MYO5B: variants seen among roughly 807,000 people sequenced by gnomAD.
MYO5B encodes unconventional myosin-Vb.
In MYO5B, 143 loss-of-function variants were observed where a neutral mutation model predicts 229.3. That is an observed-to-expected ratio of 0.62 (90% CI 0.54 to 0.72). The LOEUF (loss-of-function observed/expected upper bound fraction) is 0.72. Among genes scored for constraint, MYO5B ranks in the 30% least tolerant of loss-of-function variants. The probability of loss-of-function intolerance (pLI) is 0.00; values close to 1 mark genes in which losing one functional copy is unlikely to be tolerated. For missense variants in MYO5B, 2,321 were observed against 2,331.0 expected (o/e 1.00, Z 0.09); for synonymous variants, 918 against 885.2 (o/e 1.04, Z -0.66).
chr18:50,173,880 T>C (rs2144337234), intron 1 of MYO5B, among the ~76,000 whole-genome samples: 1 of 152,288 alleles, frequency 6.6e-6, no homozygotes, highest in South Asian at 2.1e-4. Context: ...ATGGCAAATG[T>C]TGTGTGTCAA....
At chr18:50,077,407 C>T (rs947149056) in intron 1 of MYO5B, among the ~76,000 whole-genome samples, 3 of 151,802 alleles carry the variant, frequency 2.0e-5, no homozygotes, top group African/African-American at 7.3e-5. Context: ...TAGGCTGTAA[C>T]TCAGAGTGGC....
At chr18:49,962,911 C>T (rs965273760) in intron 11 of MYO5B, 38 bp downstream of exon 11, 1 of 1,569,232 alleles carries the variant, frequency 6.4e-7, no homozygotes, top group African/African-American at 1.3e-5. Context: ...AGGAGTCCCC[C>T]CAATCCTGGT....
intron 1 of MYO5B, among the ~76,000 whole-genome samples, chr18:50,060,716 C>G (rs1337846835): frequency 6.6e-6 from 1 of 152,196 alleles, no homozygotes; most frequent in Non-Finnish European, 1.5e-5. Context: ...CCAGCTCCAG[C>G]AGCTGTTCTC....
At chr18:50,173,379 T>A (rs1050179580) in intron 1 of MYO5B, among the ~76,000 whole-genome samples, 4 of 151,986 alleles carry the variant, frequency 2.6e-5, no homozygotes, top group Non-Finnish European at 5.9e-5. Flanking sequence ...ACAGGAGGCC[T>A]CATGGGCCTG....
In MYO5B at chr18:50,154,926, T is replaced by G. The variant is rs567045215; in HGVS notation, c.27+39841A>C. Among the ~76,000 whole-genome samples, 8 of 152,284 alleles carry G rather than the reference T, an allele frequency of 5.3e-5. No homozygotes were observed. In the East Asian group the frequency reaches 1.4e-3, roughly 26 times the overall value. On this transcript the variant is annotated intron_variant, in intron 1 of 39. Coordinates refer to ENST00000285039, the MANE Select transcript of MYO5B (RefSeq NM_001080467.3). ...CAGACTTAGGTTTACAAAGCAGCAC[T>G]CAAAAAAGTCTGTTTGCCTTCAAGG...
chr18:50,194,173 C>T (rs545451173), intron 1 of MYO5B, among the ~76,000 whole-genome samples: 1 of 152,358 alleles, frequency 6.6e-6, no homozygotes, highest in Non-Finnish European at 1.5e-5. Context: ...CCATTGCTTA[C>T]CCTCACTCCA....
intron 1 of MYO5B, among the ~76,000 whole-genome samples, chr18:50,081,033 C>G (rs1461359842): frequency 6.6e-6 from 1 of 152,146 alleles, no homozygotes; most frequent in Non-Finnish European, 1.5e-5. Flanking sequence ...CCGCTAGTAG[C>G]AAGCTAAACT....
At chr18:49,940,129 A>C (rs1299050007) in intron 14 of MYO5B, among the ~76,000 whole-genome samples, 2 of 152,238 alleles carry the variant, frequency 1.3e-5, no homozygotes, top group African/African-American at 2.4e-5. Flanking sequence ...GGAAAGAAAG[A>C]ATCATGTAAG....
chr18:50,163,027 CATGCAACTGTAGCTAATAACAAAAATG>C (rs1204337620), intron 1 of MYO5B, among the ~76,000 whole-genome samples: 4 of 152,156 alleles, frequency 2.6e-5, no homozygotes, highest in African/African-American at 9.7e-5. Flanking sequence ...TGTTTGTGTT[CATGCAACTGTAGCTAATAACAAAAATG>C]ACTTCGTGAA....
chr18:49,848,182 T>C (rs3097635), intron 32 of MYO5B, among the ~76,000 whole-genome samples: 1 of 152,310 alleles, frequency 6.6e-6, no homozygotes, highest in Non-Finnish European at 1.5e-5. Flanking sequence ...ATCTGTACAT[T>C]CACATGGAAA....
chr18:50,193,287 C>A (rs1278725453), intron 1 of MYO5B, among the ~76,000 whole-genome samples: 6 of 152,242 alleles, frequency 3.9e-5, no homozygotes, highest in African/African-American at 1.4e-4. Flanking sequence ...TCCCCTCCTC[C>A]CCCAGAGGCC....
intron 17 of MYO5B, among the ~76,000 whole-genome samples, chr18:49,915,150 T>A (rs1445755392): frequency 6.6e-6 from 1 of 152,100 alleles, no homozygotes; most frequent in East Asian, 1.9e-4. Flanking sequence ...TTTTTTTTCC[T>A]CTATGTAAAA....
intron 1 of MYO5B, among the ~76,000 whole-genome samples, chr18:50,081,042 C>T (rs2031208179): frequency 6.6e-6 from 1 of 152,284 alleles, no homozygotes; most frequent in South Asian, 2.1e-4. Context: ...GCAAGCTAAA[C>T]TTGGAATAAA....
At position 49,879,160 on chromosome 18, in the gene MYO5B, C is replaced by T. The variant is rs4939603; in HGVS notation, c.3131-70G>A. On this transcript the variant is annotated intron_variant, in intron 23 of 39. Coordinates refer to ENST00000285039, the MANE Select transcript of MYO5B (RefSeq NM_001080467.3). ...CTCACATGTATTGACTCATGTTTTCCGATTAATCTCTTGTTAAGAGGCTGC... is the reference window on the plus strand; with the variant it reads ...CTCACATGTATTGACTCATGTTTTCTGATTAATCTCTTGTTAAGAGGCTGC... The T allele has an allele frequency of 0.22, 351,540 of 1,597,762 alleles. 40,969 individuals carry two copies. Among genetic ancestry groups the T allele is most frequent in the East Asian group, 0.39 (17,274 of 44,684 alleles).
intron 27 of MYO5B, among the ~76,000 whole-genome samples, chr18:49,870,298 G>A (rs2024442833): frequency 6.6e-6 from 1 of 152,106 alleles, no homozygotes; most frequent in Non-Finnish European, 1.5e-5. Flanking sequence ...AACTCAAAGT[G>A]GATCAAAGGC....
Position 50,089,844 on chromosome 18 carries a change from G to T in MYO5B, c.28-34466C>A, listed in dbSNP as rs550522786. Among the ~76,000 whole-genome samples the T allele has an allele frequency of 2.0e-5, 3 of 152,190 alleles. No homozygotes were observed. In the South Asian group the frequency reaches 6.2e-4, roughly 32 times the overall value. ...TGCCCCATGTATTCCTGGCAACATG[G>T]CCACCCCCGCATAACCCCACATGTG... On this transcript the variant is annotated intron_variant, in intron 1 of 39. Transcript: ENST00000285039.
chr18:50,029,486 A>C (rs1387700406), intron 4 of MYO5B, among the ~76,000 whole-genome samples: 3 of 152,226 alleles, frequency 2.0e-5, no homozygotes, highest in African/African-American at 4.8e-5. Context: ...TATTGAAAGG[A>C]AAGAAAAGTT....
chr18:49,925,201 A>G (rs762461484), intron 17 of MYO5B, among the ~76,000 whole-genome samples: 6 of 152,250 alleles, frequency 3.9e-5, no homozygotes, highest in African/African-American at 7.2e-5. Flanking sequence ...GTTCATCTGC[A>G]TGATAAAACC....
chr18:50,101,386 G>A (rs1232815847), intron 1 of MYO5B, among the ~76,000 whole-genome samples: 3 of 152,064 alleles, frequency 2.0e-5, no homozygotes, highest in East Asian at 3.9e-4. Flanking sequence ...TTCCTGTATG[G>A]GGCCATCTTC....
Sources: gnomAD v4.1 joint callset for allele counts (sites outside exome capture counted in the v4.1 genomes callset) on GRCh38, gnomAD v4.1.1 for gene constraint, MANE v1.5 for transcripts, NCBI Gene and HGNC (gene_info 2026-07-23, HGNC 2026-07-21) for gene names.